The following NAALADL2 variants were observed in gnomAD, a reference collection of about 807,000 sequenced individuals.
NAALADL2 encodes the protein N-acetylated alpha-linked acidic dipeptidase like 2.
Under a neutral mutation model 87.2 loss-of-function variants are expected in NAALADL2, and 76 were observed. The ratio of observed to expected loss-of-function variants is 0.87; its 90% CI spans 0.72 to 1.05. The LOEUF (loss-of-function observed/expected upper bound fraction) is 1.05. Among genes scored for constraint, NAALADL2 ranks in the 50% least tolerant of loss-of-function variants. The probability of loss-of-function intolerance (pLI) is 0.00; values close to 1 mark genes in which losing one functional copy is unlikely to be tolerated. For missense variants in NAALADL2, 1,089 were observed against 945.8 expected (o/e 1.15, Z -1.99); for synonymous variants, 354 against 331.0 (o/e 1.07, Z -0.75).
intron 2 of NAALADL2, among the ~76,000 whole-genome samples, chr3:174,685,899 A>T (rs1049391973): frequency 2.2e-5 from 3 of 139,090 alleles, no homozygotes; most frequent in African/African-American, 8.2e-5. Context: ...TCTCCCATGT[A>T]TAAGTGAGAA....
intron 9 of NAALADL2, among the ~76,000 whole-genome samples, chr3:175,522,316 T>C (rs1471166608): frequency 6.6e-6 from 1 of 152,196 alleles, no homozygotes; most frequent in African/African-American, 2.4e-5. Context: ...CGTTGAATGC[T>C]CCTAATATAT....
At chr3:174,510,132 C>G (rs1719505066) in intron 1 of NAALADL2, among the ~76,000 whole-genome samples, 1 of 152,030 alleles carries the variant, frequency 6.6e-6, no homozygotes, top group Non-Finnish European at 1.5e-5. Flanking sequence ...ATTAAATTTG[C>G]TAAAATATTG....
chr3:174,720,644 G>T (rs1731627196), intron 2 of NAALADL2, among the ~76,000 whole-genome samples: 1 of 152,034 alleles, frequency 6.6e-6, no homozygotes, highest in Admixed American at 6.6e-5. Context: ...TCAGCAATGT[G>T]TAAATGAAAA....
chr3:175,157,743 T>G (rs1732537088), intron 2 of NAALADL2, among the ~76,000 whole-genome samples: 1 of 152,060 alleles, frequency 6.6e-6, no homozygotes, highest in African/African-American at 2.4e-5. Context: ...CTCTCCATGT[T>G]TAACTAGAAA....
intron 2 of NAALADL2, among the ~76,000 whole-genome samples, chr3:175,161,533 C>G (rs545377584): frequency 6.6e-6 from 1 of 152,060 alleles, no homozygotes; most frequent in African/African-American, 2.4e-5. Flanking sequence ...GGGTAGGAGT[C>G]AGGGCAGAGG....
At chr3:174,685,469 A>G (rs886976606) in intron 2 of NAALADL2, among the ~76,000 whole-genome samples, 12 of 152,160 alleles carry the variant, frequency 7.9e-5, no homozygotes, top group African/African-American at 2.6e-4. Context: ...CCATTTTCTG[A>G]CTATGCCCTT....
chr3:175,601,048 T>A (rs1722917221), intron 10 of NAALADL2, among the ~76,000 whole-genome samples: 4 of 152,188 alleles, frequency 2.6e-5, no homozygotes, highest in Non-Finnish European at 2.9e-5. Context: ...AAATCTGTGT[T>A]AAACAAAGTG....
chr3:175,180,929 T>C (rs1736372849), intron 2 of NAALADL2, among the ~76,000 whole-genome samples: 1 of 152,056 alleles, frequency 6.6e-6, no homozygotes, highest in Non-Finnish European at 1.5e-5. Context: ...GGTGATAGAC[T>C]GAGCTGAATT....
chr3:174,748,860 C>T (rs1734542242), intron 3 of NAALADL2, among the ~76,000 whole-genome samples: 1 of 152,120 alleles, frequency 6.6e-6, no homozygotes, highest in Non-Finnish European at 1.5e-5. Flanking sequence ...ATTTGCTTTC[C>T]TACATGGTTG....
intron 1 of NAALADL2, among the ~76,000 whole-genome samples, chr3:174,870,077 G>T (rs1048687800): frequency 3.3e-5 from 5 of 151,328 alleles, no homozygotes; most frequent in Admixed American, 3.3e-4. Context: ...GAGTTTGTGG[G>T]TGTGTGTGTG....
intron 1 of NAALADL2, among the ~76,000 whole-genome samples, chr3:174,540,278 T>G (rs1722103816): frequency 6.6e-6 from 1 of 152,148 alleles, no homozygotes; most frequent in Admixed American, 6.5e-5. Context: ...TCTGGCTAGC[T>G]TCTTGCTGGG....
chr3:174,642,933 C>A (rs919786370), intron 2 of NAALADL2, among the ~76,000 whole-genome samples: 2 of 151,948 alleles, frequency 1.3e-5, no homozygotes, highest in African/African-American at 4.8e-5. Flanking sequence ...TAGGCACATG[C>A]TACGACACCA....
intron 5 of NAALADL2, among the ~76,000 whole-genome samples, chr3:175,382,050 G>T (rs573856963): frequency 2.0e-5 from 3 of 152,180 alleles, no homozygotes; most frequent in Admixed American, 2.0e-4. Flanking sequence ...TAAACACTCA[G>T]TGGAAGCTCT....
intron 11 of NAALADL2, among the ~76,000 whole-genome samples, chr3:175,730,213 A>C (rs1287714963): frequency 6.6e-6 from 1 of 151,650 alleles, no homozygotes; most frequent in African/African-American, 2.4e-5. Flanking sequence ...CCTACTCTTT[A>C]GATATTGACA....
At chr3:175,031,441 A>G (rs954079947) in intron 1 of NAALADL2, among the ~76,000 whole-genome samples, 1 of 152,002 alleles carries the variant, frequency 6.6e-6, no homozygotes, top group Admixed American at 6.6e-5. Context: ...GCTGCAGAGG[A>G]TATGATTTCA....
At chr3:175,778,214 G>C (rs1246656073) in intron 13 of NAALADL2, among the ~76,000 whole-genome samples, 7 of 152,204 alleles carry the variant, frequency 4.6e-5, no homozygotes, top group African/African-American at 1.7e-4. Flanking sequence ...GCACAGTCCA[G>C]AGTGCCAGAT....
At chr3:175,364,542 T>G (rs1581590759) in intron 5 of NAALADL2, among the ~76,000 whole-genome samples, 1 of 147,882 alleles carries the variant, frequency 6.8e-6, no homozygotes, top group Non-Finnish European at 1.5e-5. Flanking sequence ...AACGTTTTAA[T>G]ATTCCCTCTG....
intron 2 of NAALADL2, among the ~76,000 whole-genome samples, chr3:174,580,842 A>T: frequency 6.6e-6 from 1 of 152,128 alleles, no homozygotes; most frequent in South Asian, 2.1e-4. Context: ...TCTCTCAGGG[A>T]GATACCTAAG....
intron 2 of NAALADL2, among the ~76,000 whole-genome samples, chr3:174,641,052 G>C (rs2108729701): frequency 6.6e-6 from 1 of 152,334 alleles, no homozygotes; most frequent in Non-Finnish European, 1.5e-5. Flanking sequence ...GGTGGGGCCA[G>C]AGCAGGTGAC....
Sources: allele counts gnomAD v4.1 joint callset (sites outside exome capture counted in the v4.1 genomes callset), GRCh38; gene constraint gnomAD v4.1.1; transcripts MANE v1.5; gene names NCBI Gene and HGNC (gene_info 2026-07-23, HGNC 2026-07-21).